Variants in CCDC6 observed in about 807,000 individuals in gnomAD.
The protein encoded by CCDC6 is coiled-coil domain containing 6.
A neutral mutation model predicts 56.6 loss-of-function variants in CCDC6; 20 were observed. That is an observed-to-expected ratio of 0.35 (90% confidence interval 0.25 to 0.51). The LOEUF is 0.51. Ranked by LOEUF, CCDC6 falls within the 20% of genes least tolerant of loss-of-function variation. CCDC6 has a pLI of 0.95. For synonymous variants in CCDC6, 241 were observed against 234.4 expected (o/e 1.03, Z -0.26); for missense variants, 367 against 601.1 (o/e 0.61, Z 4.07).
intron 1 of CCDC6, among the ~76,000 whole-genome samples, chr10:59,894,571 G>C (rs939213025): frequency 6.7e-6 from 1 of 150,150 alleles, no homozygotes; most frequent in Non-Finnish European, 1.5e-5. Context: ...ACTCATGTTT[G>C]TTGAAAAAAA....
chr10:59,854,618 C>A (rs1187535199), intron 1 of CCDC6, among the ~76,000 whole-genome samples: 1 of 152,216 alleles, frequency 6.6e-6, no homozygotes, highest in Non-Finnish European at 1.5e-5. Context: ...TTCTCAATGT[C>A]TTACTCTTTC....
At chr10:59,794,009 C>T (rs1564735591) in intron 8 of CCDC6, among the ~76,000 whole-genome samples, 1 of 152,174 alleles carries the variant, frequency 6.6e-6, no homozygotes, top group Non-Finnish European at 1.5e-5. Flanking sequence ...AAAGAAAAAA[C>T]TCCCTTGGGT....
In CCDC6 at chr10:59,862,309, A is replaced by G. The variant is rs547605371; in HGVS notation, c.304-9607T>C. Among the ~76,000 whole-genome samples the G allele has an allele frequency of 1.3e-4, 20 of 151,840 alleles. No individual in the cohort carries two copies. In the East Asian group the frequency reaches 3.7e-3, roughly 28 times the overall value. On this transcript the variant is annotated intron_variant, in intron 1 of 8. Transcript: ENST00000263102. ...CAAGACCAGCCTGCCCAACATAGTG[A>G]AACCGTGTCTCTGCTAAAAACACAA...
intron 2 of CCDC6, among the ~76,000 whole-genome samples, chr10:59,847,602 A>G (rs1348161458): frequency 6.6e-6 from 1 of 152,194 alleles, no homozygotes; most frequent in Non-Finnish European, 1.5e-5. Context: ...TCTAAGTCAA[A>G]GAAACAGAAG....
intron 1 of CCDC6, among the ~76,000 whole-genome samples, chr10:59,897,440 A>C (rs1186347230): frequency 1.3e-5 from 2 of 152,034 alleles, no homozygotes; most frequent in Admixed American, 1.3e-4. Context: ...TTTTTAGTAG[A>C]GAAGGGGTTT....
At chr10:59,824,845 A>G (rs532412337) in intron 3 of CCDC6, among the ~76,000 whole-genome samples, 2 of 152,262 alleles carry the variant, frequency 1.3e-5, no homozygotes, top group African/African-American at 4.8e-5. Flanking sequence ...GTTTGATTTG[A>G]AAAAAAATTC....
chr10:59,901,311 C>T (rs1044021745), intron 1 of CCDC6, among the ~76,000 whole-genome samples: 1 of 152,088 alleles, frequency 6.6e-6, no homozygotes, highest in Non-Finnish European at 1.5e-5. Context: ...ACACTCTCAT[C>T]GTCACATTTA....
chr10:59,892,268 AAC>A (rs2071427709), intron 1 of CCDC6, among the ~76,000 whole-genome samples: 1 of 152,188 alleles, frequency 6.6e-6, no homozygotes, highest in Non-Finnish European at 1.5e-5. Flanking sequence ...TTTTTTAAAA[AAC>A]ACAATGGAAA....
At chr10:59,815,736 T>G (rs577852331) in intron 3 of CCDC6, among the ~76,000 whole-genome samples, 26 of 152,344 alleles carry the variant, frequency 1.7e-4, no homozygotes, top group Non-Finnish European at 3.2e-4. Context: ...CCATGTTATT[T>G]CTTCAACCAG....
chr10:59,821,087 T>C (rs1305327979), intron 3 of CCDC6, among the ~76,000 whole-genome samples: 1 of 152,104 alleles, frequency 6.6e-6, no homozygotes, highest in Non-Finnish European at 1.5e-5. Context: ...TGAGAAAATA[T>C]AAGTACAATA....
At chr10:59,844,161 A>C in intron 2 of CCDC6, among the ~76,000 whole-genome samples, 1 of 152,146 alleles carries the variant, frequency 6.6e-6, no homozygotes, top group East Asian at 1.9e-4. Context: ...TTCTACAGGA[A>C]AAGCCACAAT....
At chr10:59,796,295 A>G (rs1157671960) in intron 7 of CCDC6, among the ~76,000 whole-genome samples, 1 of 133,594 alleles carries the variant, frequency 7.5e-6, no homozygotes, top group Non-Finnish European at 1.6e-5. Flanking sequence ...GTGTCTGTTC[A>G]TGTCCTTCGC....
chr10:59,882,984 G>C (rs190655586), intron 1 of CCDC6, among the ~76,000 whole-genome samples: 1 of 151,962 alleles, frequency 6.6e-6, no homozygotes, highest in South Asian at 2.1e-4. Context: ...GTAAAATTAG[G>C]TGAGGGGTGT....
chr10:59,893,131 A>C (rs1470505481), intron 1 of CCDC6, among the ~76,000 whole-genome samples: 2 of 152,368 alleles, frequency 1.3e-5, no homozygotes, highest in Middle Eastern at 3.4e-3. Flanking sequence ...ATTTATATGA[A>C]GTTCAAACAC....
intron 1 of CCDC6, among the ~76,000 whole-genome samples, chr10:59,870,586 T>TGGTGGGAC (rs78905744): frequency 0.78 from 118,048 of 151,924 alleles, 46,037 homozygotes; most frequent in East Asian, 0.9. Flanking sequence ...TCCTACAATC[T>TGGTGGGAC]AGAGGACCAC....
chr10:59,902,955 A>G (rs1247197166), intron 1 of CCDC6, among the ~76,000 whole-genome samples: 3 of 152,242 alleles, frequency 2.0e-5, no homozygotes, highest in Non-Finnish European at 4.4e-5. Flanking sequence ...GAAGAGATAA[A>G]TTATGATACA....
chr10:59,902,307 C>A (rs1972950), intron 1 of CCDC6, among the ~76,000 whole-genome samples: 29,472 of 151,246 alleles, frequency 0.19, 3,690 homozygotes, highest in Middle Eastern at 0.32. Flanking sequence ...AAGGGCATAA[C>A]AGAGATATTA....
intron 1 of CCDC6, among the ~76,000 whole-genome samples, chr10:59,854,948 T>C (rs950599715): frequency 3.9e-5 from 6 of 152,218 alleles, no homozygotes; most frequent in Non-Finnish European, 8.8e-5. Context: ...AAAAGGGTGT[T>C]TGCCATAAAC....
chr10:59,874,103 C>T (rs2071256502), intron 1 of CCDC6, among the ~76,000 whole-genome samples: 1 of 136,154 alleles, frequency 7.3e-6, no homozygotes, highest in Admixed American at 7.8e-5. Context: ...CATTTCCTTA[C>T]ACATTTACCT....
Sources: gnomAD v4.1 joint callset for allele counts (sites outside exome capture counted in the v4.1 genomes callset) on GRCh38, gnomAD v4.1.1 for gene constraint, MANE v1.5 for transcripts, NCBI Gene and HGNC (gene_info 2026-07-23, HGNC 2026-07-21) for gene names.